Variants in UNC5C observed in about 807,000 individuals in gnomAD.
The protein encoded by UNC5C is unc-5 netrin receptor C, also known as netrin receptor UNC5C.
UNC5C carries 47 observed loss-of-function variants against 99.8 expected under a neutral mutation model. The ratio of observed to expected loss-of-function variants is 0.47; its 90% CI spans 0.37 to 0.60. UNC5C has a LOEUF of 0.60. Ranked by LOEUF, UNC5C falls within the 20% of genes least tolerant of loss-of-function variation. UNC5C has a pLI of 0.00. For missense variants in UNC5C, 1,062 were observed against 1,165.9 expected, an observed-to-expected ratio of 0.91 and a Z score of 1.30; for synonymous variants, 487 against 452.2, an observed-to-expected ratio of 1.08 and a Z score of -0.98.
intron 10 of UNC5C, among the ~76,000 whole-genome samples, chr4:95,212,240 A>T (rs557816345): frequency 6.6e-6 from 1 of 152,078 alleles, no homozygotes; most frequent in Admixed American, 6.6e-5. Flanking sequence ...TAAAAAAAAA[A>T]GTTCTGAACA....
At chr4:95,256,699 A>ATATATATATATATATATATATATATATAT (rs1553958327) in intron 4 of UNC5C, among the ~76,000 whole-genome samples, 1 of 90,666 alleles carries the variant, frequency 1.1e-5, no homozygotes, top group African/African-American at 3.6e-5. Context: ...GAACTAAATA[A>ATATATATATATATATATATATATATATAT]ATATATATAT....
At chr4:95,414,539 C>A (rs553918776) in intron 1 of UNC5C, among the ~76,000 whole-genome samples, 1 of 152,236 alleles carries the variant, frequency 6.6e-6, no homozygotes, top group Non-Finnish European at 1.5e-5. Context: ...TACCTAGCAA[C>A]GAAGGTCCTT....
chr4:95,385,027 A>T (rs201623838), intron 1 of UNC5C, among the ~76,000 whole-genome samples: 8 of 70,922 alleles, frequency 1.1e-4, no homozygotes. Flanking sequence ...ATTTGTGCCC[A>T]GGGGGAGGTC....
At chr4:95,252,854 T>C (rs1200399315) in intron 4 of UNC5C, among the ~76,000 whole-genome samples, 1 of 152,204 alleles carries the variant, frequency 6.6e-6, no homozygotes, top group African/African-American at 2.4e-5. Context: ...GTGACTCACA[T>C]AGTGATCCCT....
At chr4:95,289,976 A>G (rs1324239217) in intron 3 of UNC5C, among the ~76,000 whole-genome samples, 1 of 152,140 alleles carries the variant, frequency 6.6e-6, no homozygotes, top group Admixed American at 6.6e-5. Flanking sequence ...AGCAACTCTT[A>G]TTGTGGTTTG....
chr4:95,285,201 A>C (rs1741190322), intron 3 of UNC5C, among the ~76,000 whole-genome samples: 1 of 152,188 alleles, frequency 6.6e-6, no homozygotes, highest in South Asian at 2.1e-4. Flanking sequence ...TTTTCTATCC[A>C]TCGTTAAGCA....
At chr4:95,477,479 C>A (rs17024028) in intron 1 of UNC5C, among the ~76,000 whole-genome samples, 4,829 of 152,096 alleles carry the variant, frequency 0.032, 142 homozygotes, top group African/African-American at 0.076. Context: ...TTGGTGGAGC[C>A]ATTCTAAGCA....
intron 10 of UNC5C, 88 bp from the exon 11 acceptor site, chr4:95,206,884 T>C: frequency 8.8e-7 from 1 of 1,131,828 alleles, no homozygotes; most frequent in Non-Finnish European, 1.2e-6. Flanking sequence ...ACAGGTCAAG[T>C]AGTTTTCTCC....
chr4:95,466,896 T>A (rs141512524), intron 1 of UNC5C, among the ~76,000 whole-genome samples: 27 of 152,274 alleles, frequency 1.8e-4, no homozygotes, highest in Non-Finnish European at 3.5e-4. Context: ...GTGGCCTGGA[T>A]CTAGTGACTC....
intron 5 of UNC5C, among the ~76,000 whole-genome samples, chr4:95,245,666 A>C (rs561646748): frequency 6.6e-6 from 1 of 152,350 alleles, no homozygotes; most frequent in African/African-American, 2.4e-5. Flanking sequence ...AAAATCTTAC[A>C]GTACTGGGGT....
At chr4:95,172,555 T>C (rs903397592) in intron 14 of UNC5C, among the ~76,000 whole-genome samples, 182 of 151,958 alleles carry the variant, frequency 1.2e-3, no homozygotes, top group African/African-American at 4.3e-3. Context: ...GTTGTAGATA[T>C]GCGGCGTTAT....
rs554022710 is a variant in UNC5C at position 95,214,800 on chromosome 4, AAAAAT to A, written c.1733+1319_1733+1323del. On this transcript the variant is annotated intron_variant, in intron 10 of 15. Coordinates refer to ENST00000453304, the MANE Select transcript of UNC5C (RefSeq NM_003728.4). ...AACCTTGACTCTGGAAGAGAGAAAG[AAAAAT>A]AAAATAAAATAAAGAGATCTTGGAG... Among the ~76,000 whole-genome samples, 306 of 152,364 alleles carry A rather than the reference AAAAAT, an allele frequency of 2.0e-3. 2 individuals are homozygous for A. Among genetic ancestry groups the A allele is most frequent in the Non-Finnish European group, 3.0e-3 (201 of 68,038 alleles).
At chr4:95,365,979 G>T (rs1244122576) in intron 1 of UNC5C, among the ~76,000 whole-genome samples, 5 of 150,504 alleles carry the variant, frequency 3.3e-5, no homozygotes, top group African/African-American at 1.2e-4. Context: ...GCTGTAATAT[G>T]CTATGTTTTC....
intron 3 of UNC5C, among the ~76,000 whole-genome samples, chr4:95,301,326 A>G (rs1047986012): frequency 6.6e-6 from 1 of 151,440 alleles, no homozygotes; most frequent in Non-Finnish European, 1.5e-5. Flanking sequence ...CTCCCGAGTA[A>G]CTGGGACTAC....
chr4:95,193,325 GT>G (rs1295502570), intron 12 of UNC5C, among the ~76,000 whole-genome samples: 2 of 152,154 alleles, frequency 1.3e-5, no homozygotes, highest in Non-Finnish European at 2.9e-5. Context: ...CACTCTGGCT[GT>G]TTTTTGCTTT....
In UNC5C at chr4:95,510,419, AATC is replaced by A. The variant is rs1291803934; in HGVS notation, c.124+38312_124+38314del. Among the ~76,000 whole-genome samples the A allele has an allele frequency of 6.2e-4, 93 of 150,098 alleles. 1 individual carries two copies. The highest frequency in any genetic ancestry group is 1.8e-3 in the African/African-American group (73 of 39,622). On this transcript the variant is annotated intron_variant, in intron 1 of 15. Coordinates refer to ENST00000453304, the MANE Select transcript of UNC5C (RefSeq NM_003728.4). ...CTTAAAAACACTAGCTATAGCTAAT[AATC>A]ATTCTTTTTTTCCTTAATTTTTTAT... is the stretch of plus-strand genomic sequence containing the variant.
chr4:95,343,515 T>C (rs1743656576), intron 1 of UNC5C, among the ~76,000 whole-genome samples: 1 of 152,040 alleles, frequency 6.6e-6, no homozygotes, highest in South Asian at 2.1e-4. Flanking sequence ...ATTACAACTC[T>C]TCAATGCACA....
intron 1 of UNC5C, among the ~76,000 whole-genome samples, chr4:95,424,518 C>CTTTTTTTTTTTCTTTTCT (rs1746412091): frequency 2.9e-5 from 2 of 67,952 alleles, no homozygotes; most frequent in Non-Finnish European, 5.4e-5. Flanking sequence ...TTTTTCTTTT[C>CTTTTTTTTTTTCTTTTCT]TTTTTTTTTT....
chr4:95,262,446 T>G (rs1740277613), intron 4 of UNC5C, among the ~76,000 whole-genome samples: 1 of 152,194 alleles, frequency 6.6e-6, no homozygotes, highest in South Asian at 2.1e-4. Flanking sequence ...GATAGAAATG[T>G]AATTGATTTC....
Sources: allele counts gnomAD v4.1 joint callset (sites outside exome capture counted in the v4.1 genomes callset), GRCh38; gene constraint gnomAD v4.1.1; transcripts MANE v1.5; gene names NCBI Gene and HGNC (gene_info 2026-07-23, HGNC 2026-07-21).